The following SUGCT variants were observed in gnomAD, a reference collection of about 807,000 sequenced individuals.
The protein encoded by SUGCT is succinyl-CoA:glutarate CoA-transferase.
A neutral mutation model predicts 55.0 loss-of-function variants in SUGCT; 41 were observed. The observed-to-expected ratio is 0.74, with a 90% CI of 0.58 to 0.97. SUGCT has a LOEUF of 0.97. Among genes scored for constraint, SUGCT ranks in the 50% least tolerant of loss-of-function variants. SUGCT has a pLI of 0.00. For synonymous variants in SUGCT, 187 were observed against 200.4 expected, an observed-to-expected ratio of 0.93 and a Z score of 0.56; for missense variants, 568 against 547.8, an observed-to-expected ratio of 1.04 and a Z score of -0.37.
chr7:40,317,421 AAATTT>A (rs1214787542), intron 9 of SUGCT, among the ~76,000 whole-genome samples: 1 of 152,226 alleles, frequency 6.6e-6, no homozygotes, highest in Non-Finnish European at 1.5e-5. Context: ...TTCAAAAATA[AAATTT>A]AAAACAAAAC....
chr7:40,299,334 T>C (rs1020208842), intron 8 of SUGCT, among the ~76,000 whole-genome samples: 2 of 152,172 alleles, frequency 1.3e-5, no homozygotes, highest in Non-Finnish European at 2.9e-5. Context: ...CACGTGACAT[T>C]GTGATCCCAG....
chr7:40,275,106 A>G (rs959680049), intron 8 of SUGCT, among the ~76,000 whole-genome samples: 7 of 152,178 alleles, frequency 4.6e-5, no homozygotes, highest in African/African-American at 1.7e-4. Flanking sequence ...TGGCCCATGT[A>G]CTTGTTTTCA....
At chr7:40,663,688 T>C (rs1231810646) in intron 12 of SUGCT, among the ~76,000 whole-genome samples, 1 of 152,160 alleles carries the variant, frequency 6.6e-6, no homozygotes, top group Non-Finnish European at 1.5e-5. Context: ...ATCCTCTCAA[T>C]TGTATTTATC....
intron 6 of SUGCT, among the ~76,000 whole-genome samples, chr7:40,220,268 A>T (rs1205979198): frequency 6.6e-6 from 1 of 152,236 alleles, no homozygotes; most frequent in Non-Finnish European, 1.5e-5. Flanking sequence ...ACCCAGAAGT[A>T]GGAACTACTT....
At chr7:41,036,081 C>T in the SUGCT span, among the ~76,000 whole-genome samples, 2 of 152,160 alleles carry the variant, frequency 1.3e-5, no homozygotes. Context: ...ACTCAGGTCC[C>T]CTCACTGTGG....
In SUGCT at chr7:40,149,151, G is replaced by GA. The variant is rs1286695194; in HGVS notation, c.100+14035dup. On this transcript the variant is annotated intron_variant, in intron 1 of 13. Coordinates refer to ENST00000335693, the MANE Select transcript of SUGCT (RefSeq NM_001193313.2). Reference sequence around the variant, plus strand: ...TGAGTCCCAACACAGTCCATTCTTTGAAAAGTAAAATAAGCATGTAGCTTA... The same window carrying GA: ...TGAGTCCCAACACAGTCCATTCTTTGAAAAAGTAAAATAAGCATGTAGCTTA... Among the ~76,000 whole-genome samples, 3 of 152,156 alleles carry GA rather than the reference G, an allele frequency of 2.0e-5. No homozygotes were observed. The East Asian group carries it at 5.8e-4, about 29-fold the overall frequency.
chr7:40,167,067 T>G (rs1051197494), intron 1 of SUGCT, among the ~76,000 whole-genome samples: 1 of 152,180 alleles, frequency 6.6e-6, no homozygotes, highest in Non-Finnish European at 1.5e-5. Flanking sequence ...AATGAAGACA[T>G]GTTCTCACAA....
chr7:40,700,175 T>C (rs1202994035), intron 12 of SUGCT, among the ~76,000 whole-genome samples: 1 of 152,170 alleles, frequency 6.6e-6, no homozygotes, highest in Non-Finnish European at 1.5e-5. Flanking sequence ...ACTCTTAAGA[T>C]GCTTGGAACC....
intron 6 of SUGCT, among the ~76,000 whole-genome samples, chr7:40,235,202 A>C (rs940445797): frequency 2.6e-5 from 4 of 152,102 alleles, no homozygotes; most frequent in Non-Finnish European, 5.9e-5. Flanking sequence ...TTTGTTTTAC[A>C]TACTCTTATT....
intron 10 of SUGCT, among the ~76,000 whole-genome samples, chr7:40,458,133 T>G (rs540741110): frequency 1.3e-5 from 2 of 152,228 alleles, no homozygotes; most frequent in East Asian, 3.8e-4. Context: ...GATTAATAGA[T>G]AGATTTTATT....
chr7:40,258,315 G>A (rs1227669961), intron 7 of SUGCT, among the ~76,000 whole-genome samples: 1 of 152,162 alleles, frequency 6.6e-6, no homozygotes, highest in Non-Finnish European at 1.5e-5. Context: ...CTGTCATTTG[G>A]TGTAACGTTA....
At chr7:40,685,190 A>T (rs1166265958) in intron 12 of SUGCT, among the ~76,000 whole-genome samples, 3 of 151,984 alleles carry the variant, frequency 2.0e-5, no homozygotes, top group Non-Finnish European at 4.4e-5. Flanking sequence ...AACAATTTTG[A>T]CTTCATTCAT....
chr7:40,416,579 A>G (rs1024689153), intron 9 of SUGCT, among the ~76,000 whole-genome samples: 1 of 151,946 alleles, frequency 6.6e-6, no homozygotes, highest in Non-Finnish European at 1.5e-5. Context: ...ATTTGTCATT[A>G]TGTTTATTGG....
intron 13 of SUGCT, among the ~76,000 whole-genome samples, chr7:40,779,136 T>A (rs1442806030): frequency 1.3e-5 from 2 of 152,132 alleles, no homozygotes; most frequent in East Asian, 3.9e-4. Context: ...TCACCCAACT[T>A]CTTTTCAGGT....
chr7:41,005,949 C>T, the SUGCT span, among the ~76,000 whole-genome samples: 1,748 of 152,270 alleles, frequency 0.011, 10 homozygotes, highest in Non-Finnish European at 0.017. Context: ...CACAACATTC[C>T]CAAACAAAAC....
intron 12 of SUGCT, among the ~76,000 whole-genome samples, chr7:40,700,504 G>A (rs1749697797): frequency 6.6e-6 from 1 of 152,150 alleles, no homozygotes; most frequent in Non-Finnish European, 1.5e-5. Flanking sequence ...CAACAACGCT[G>A]TTTATTTTGA....
chr7:41,017,961 G>A, the SUGCT span, among the ~76,000 whole-genome samples: 1 of 151,340 alleles, frequency 6.6e-6, no homozygotes, highest in African/African-American at 2.4e-5. Flanking sequence ...AGTTGCAGGA[G>A]ACTGATGCAT....
chr7:40,328,377 AAT>A (rs1407257545), intron 9 of SUGCT, among the ~76,000 whole-genome samples: 3 of 152,182 alleles, frequency 2.0e-5, no homozygotes, highest in Admixed American at 2.0e-4. Context: ...GTCCTTGAGC[AAT>A]ATAGGAGTTG....
the SUGCT span, among the ~76,000 whole-genome samples, chr7:40,900,675 A>T: frequency 6.6e-6 from 1 of 152,222 alleles, no homozygotes; most frequent in Admixed American, 6.5e-5. Context: ...AGAGCACGTC[A>T]TACTTCCAGG....
Sources: allele counts gnomAD v4.1 joint callset (sites outside exome capture counted in the v4.1 genomes callset), GRCh38; gene constraint gnomAD v4.1.1; transcripts MANE v1.5; gene names NCBI Gene and HGNC (gene_info 2026-07-23, HGNC 2026-07-21).